Variants in AZIN2 observed in about 807,000 individuals in gnomAD.
AZIN2 encodes the protein ODC antizyme inhibitor-2.
Under a neutral mutation model 47.8 loss-of-function variants are expected in AZIN2, and 28 were observed. The observed-to-expected ratio is 0.59, with a 90% CI of 0.43 to 0.80. The LOEUF (loss-of-function observed/expected upper bound fraction) is 0.80. Ranked by LOEUF, AZIN2 falls within the 30% of genes least tolerant of loss-of-function variation. The probability of loss-of-function intolerance (pLI) is 0.00; values close to 1 mark genes in which losing one functional copy is unlikely to be tolerated. For synonymous variants in AZIN2, 221 were observed against 239.4 expected (o/e 0.92, Z 0.71); for missense variants, 535 against 582.5 (o/e 0.92, Z 0.84).
chr1:33,089,219 A>G (rs951596859), intron 5 of AZIN2, among the ~76,000 whole-genome samples: 7 of 152,316 alleles, frequency 4.6e-5, no homozygotes, highest in Non-Finnish European at 8.8e-5. Flanking sequence ...GATTATTAGT[A>G]AGGTTAAATG....
chr1:33,147,344 C>G, the AZIN2 span: 2 of 1,614,204 alleles, frequency 1.2e-6, no homozygotes, highest in Non-Finnish European at 1.7e-6. The surrounding 1 kb of genome is among the most constrained non-coding windows in gnomAD (Gnocchi z 8.1). Flanking sequence ...TGGTCATAGT[C>G]CAGGAAGACA....
intron 10 of AZIN2, chr1:33,101,857 A>G (rs1643728138): frequency 1.3e-6 from 1 of 779,524 alleles, no homozygotes. Context: ...ACCCTGCTAC[A>G]TGTCTCTAGA....
chr1:33,156,443 C>T, the AZIN2 span, among the ~76,000 whole-genome samples: 3 of 152,310 alleles, frequency 2.0e-5, no homozygotes, highest in South Asian at 4.1e-4. Flanking sequence ...GGCTCAGCAG[C>T]CTTTGTCACT....
At chr1:33,158,290 G>A in the AZIN2 span, 11 of 1,614,090 alleles carry the variant, frequency 6.8e-6, no homozygotes, top group African/African-American at 1.1e-4. Context: ...TCCAGATGGT[G>A]TACTGCAGGG....
chr1:33,155,135 G>A, the AZIN2 span, among the ~76,000 whole-genome samples: 1 of 147,746 alleles, frequency 6.8e-6, no homozygotes, highest in East Asian at 2.2e-4. Context: ...GCAGTGGCGC[G>A]ATCTCGGCTC....
the AZIN2 span, among the ~76,000 whole-genome samples, chr1:33,145,162 CT>C: frequency 6.6e-5 from 10 of 152,070 alleles, no homozygotes; most frequent in African/African-American, 1.9e-4. Context: ...GACTGACAGC[CT>C]TCCCTGGCTG....
At chr1:33,131,527 T>G in the AZIN2 span, among the ~76,000 whole-genome samples, 2 of 152,338 alleles carry the variant, frequency 1.3e-5, no homozygotes, top group Admixed American at 1.3e-4. Context: ...AAAGATGTAG[T>G]TCAAAAGAAA....
downstream of AZIN2, among the ~76,000 whole-genome samples, chr1:33,125,360 G>A (rs1644849397): frequency 6.6e-6 from 1 of 152,190 alleles, no homozygotes; most frequent in Non-Finnish European, 1.5e-5. Flanking sequence ...GATTTCCGCT[G>A]CGATGCCAAA....
In AZIN2 at chr1:33,113,962, T is replaced by A. The variant is rs1208413637; in HGVS notation, c.1030-3940T>A. On this transcript the variant is annotated intron_variant, in intron 10 of 11. Coordinates refer to ENST00000294517, the MANE Select transcript of AZIN2 (RefSeq NM_052998.4). The surrounding 1 kb of genome is among the most constrained non-coding windows in gnomAD (Gnocchi z 4.1). Reference sequence around the variant, plus strand: ...TGACTTCTCTCCTGTTGTCTGCACCTTTCATTTTAGAGATAATATGACTGT... The same window carrying A: ...TGACTTCTCTCCTGTTGTCTGCACCATTCATTTTAGAGATAATATGACTGT... Among the ~76,000 whole-genome samples, 3 of 152,328 alleles carry A rather than the reference T, an allele frequency of 2.0e-5. No individual in the cohort carries two copies. In the East Asian group the frequency reaches 5.8e-4, roughly 29 times the overall value.
chr1:33,150,728 G>A, the AZIN2 span, among the ~76,000 whole-genome samples: 13 of 152,160 alleles, frequency 8.5e-5, no homozygotes, highest in African/African-American at 3.1e-4. Context: ...CAGTGGGGTC[G>A]GGAGGTGGGA....
At chr1:33,106,282 C>T (rs1644004594) in intron 10 of AZIN2, among the ~76,000 whole-genome samples, 1 of 152,060 alleles carries the variant, frequency 6.6e-6, no homozygotes. Flanking sequence ...AATCAAAAAC[C>T]TCCCAACAAA....
At chr1:33,137,885 C>T in the AZIN2 span, among the ~76,000 whole-genome samples, 1 of 152,194 alleles carries the variant, frequency 6.6e-6, no homozygotes, top group African/African-American at 2.4e-5. Flanking sequence ...CAGTCAGGAC[C>T]ACCCAGGCCC....
intron 5 of AZIN2, among the ~76,000 whole-genome samples, chr1:33,088,617 C>T (rs951065445): frequency 3.9e-5 from 6 of 152,246 alleles, no homozygotes; most frequent in East Asian, 1.9e-4. Flanking sequence ...CTGACCTCAT[C>T]GTCCTCACTG....
At chr1:33,147,429 G>C in the AZIN2 span, 1 of 1,614,110 alleles carries the variant, frequency 6.2e-7, no homozygotes. The surrounding 1 kb of genome is among the most constrained non-coding windows in gnomAD (Gnocchi z 8.1). Context: ...GGTTGCCATC[G>C]TGCATCACGA....
At chr1:33,146,876 C>G in the AZIN2 span, 3 of 415,002 alleles carry the variant, frequency 7.2e-6, no homozygotes, top group Non-Finnish European at 1.3e-5. Context: ...AGGTAGTCCC[C>G]TGCCCCTGAG....
chr1:33,099,920 C>G (rs1330967300), intron 10 of AZIN2, among the ~76,000 whole-genome samples: 1 of 152,146 alleles, frequency 6.6e-6, no homozygotes, highest in East Asian at 1.9e-4. Context: ...TGGGGGTATC[C>G]GTACCTTCTT....
At chr1:33,127,207 G>A (rs764707144), downstream of AZIN2, among the ~76,000 whole-genome samples, 47 of 152,244 alleles carry the variant, frequency 3.1e-4, no homozygotes, top group Non-Finnish European at 5.3e-4. Context: ...TCTCAGAAGT[G>A]GAAACGATTG....
chr1:33,140,408 G>A, the AZIN2 span, among the ~76,000 whole-genome samples: 3 of 152,210 alleles, frequency 2.0e-5, no homozygotes, highest in African/African-American at 7.2e-5. This position sits in a 1 kb window ranked among gnomAD's most constrained non-coding sequence, Gnocchi z 4.0. Flanking sequence ...CTGGGCCCCA[G>A]GACCTCGCTT....
the AZIN2 span, among the ~76,000 whole-genome samples, chr1:33,138,640 A>AAAG: frequency 3.9e-3 from 586 of 149,500 alleles, 1 homozygote; most frequent in African/African-American, 9.6e-3. Flanking sequence ...AAAAAAAAAA[A>AAAG]AAAAAGAAAA....
Sources: allele counts gnomAD v4.1 joint callset (sites outside exome capture counted in the v4.1 genomes callset), GRCh38; gene constraint gnomAD v4.1.1; non-coding constraint Gnocchi (gnomAD v3.1); transcripts MANE v1.5; gene names NCBI Gene and HGNC (gene_info 2026-07-23, HGNC 2026-07-21).